SEMA3A: variants seen among roughly 807,000 people sequenced by gnomAD.
SEMA3A encodes the protein semaphorin 3A.
A neutral mutation model predicts 97.9 loss-of-function variants in SEMA3A; 29 were observed. That is an observed-to-expected ratio of 0.30 (90% CI 0.22 to 0.40). SEMA3A has a LOEUF of 0.40. SEMA3A is among the 10% of genes least tolerant of loss of function. The pLI is 1.00. For synonymous variants in SEMA3A, 321 were observed against 323.7 expected (o/e 0.99, Z 0.09); for missense variants, 763 against 951.3 (o/e 0.80, Z 2.60).
At chr7:84,342,748 T>C (rs185629743) in intron 2 of SEMA3A, among the ~76,000 whole-genome samples, 4 of 152,288 alleles carry the variant, frequency 2.6e-5, no homozygotes, top group Admixed American at 2.6e-4. Context: ...CATTGAGTTA[T>C]GAGAATGCAA....
chr7:84,106,654 A>G (rs1242903483), intron 4 of SEMA3A, among the ~76,000 whole-genome samples: 1 of 152,208 alleles, frequency 6.6e-6, no homozygotes. Flanking sequence ...ATTTCTTCCT[A>G]TAAGATCCAA....
intron 3 of SEMA3A, among the ~76,000 whole-genome samples, chr7:84,260,026 T>A (rs1799811747): frequency 6.6e-6 from 1 of 152,146 alleles, no homozygotes; most frequent in South Asian, 2.1e-4. Flanking sequence ...AGACATTTTC[T>A]CATATACTTT....
intron 1 of SEMA3A, among the ~76,000 whole-genome samples, chr7:84,162,843 T>A (rs1163106017): frequency 2.0e-5 from 3 of 152,140 alleles, no homozygotes; most frequent in Non-Finnish European, 2.9e-5. Context: ...AGAGGCACAA[T>A]TAAGCAACAG....
chr7:84,457,591 A>G (rs1388644627), intron 1 of SEMA3A, among the ~76,000 whole-genome samples: 2 of 152,002 alleles, frequency 1.3e-5, no homozygotes, highest in Admixed American at 6.5e-5. Flanking sequence ...TATTTTGTTC[A>G]GATGAGGCAT....
chr7:84,279,153 A>G (rs112293555), intron 3 of SEMA3A, among the ~76,000 whole-genome samples: 2 of 152,154 alleles, frequency 1.3e-5, no homozygotes, highest in African/African-American at 4.8e-5. Context: ...TTAGTTTCAA[A>G]GTATCTCTCT....
At position 84,060,600 on chromosome 7, in the gene SEMA3A, T is replaced by C. The variant is rs760897798; in HGVS notation, c.454-42A>G. On this transcript the variant is annotated intron_variant, in intron 4 of 16. Transcript: ENST00000265362. Reference sequence around the variant, plus strand: ...GAAAGAGAAAAGGGTTTCCTTTATATATAAAAATGAGTGTTTTCAACACAT... The same window carrying C: ...GAAAGAGAAAAGGGTTTCCTTTATACATAAAAATGAGTGTTTTCAACACAT... 23 of 1,317,500 alleles carry C rather than the reference T, an allele frequency of 1.7e-5. No individual in the cohort carries two copies. In the South Asian group the frequency reaches 2.8e-4, roughly 16 times the overall value. 81.6% of individuals were successfully genotyped at this position (1,317,500 alleles called of 1,614,324 possible).
At chr7:84,324,833 TA>T (rs1801733466) in intron 2 of SEMA3A, among the ~76,000 whole-genome samples, 1 of 152,194 alleles carries the variant, frequency 6.6e-6, no homozygotes, top group East Asian at 1.9e-4. Flanking sequence ...TCATTAATCA[TA>T]AAAATAACTT....
At chr7:84,052,771 C>T (rs1038900443) in intron 5 of SEMA3A, among the ~76,000 whole-genome samples, 6 of 149,482 alleles carry the variant, frequency 4.0e-5, no homozygotes, top group African/African-American at 1.5e-4. Context: ...AATGTGTTTG[C>T]TCTTGCTTTT....
intron 4 of SEMA3A, among the ~76,000 whole-genome samples, chr7:84,098,089 T>C (rs1357613485): frequency 2.0e-5 from 3 of 152,022 alleles, no homozygotes. Flanking sequence ...TTAATAATAA[T>C]TTATGCTATA....
chr7:84,475,637 CT>C (rs1485274850), intron 1 of SEMA3A, among the ~76,000 whole-genome samples: 3 of 152,204 alleles, frequency 2.0e-5, no homozygotes, highest in East Asian at 3.9e-4. Flanking sequence ...GGAGGTGCCC[CT>C]ATTTGCTTCA....
At chr7:84,397,332 A>T (rs1803762184) in intron 1 of SEMA3A, among the ~76,000 whole-genome samples, 1 of 150,812 alleles carries the variant, frequency 6.6e-6, no homozygotes, top group Admixed American at 6.6e-5. Flanking sequence ...TTTGGTGGAT[A>T]ATTGTGAACA....
rs60164110 is a variant in SEMA3A at position 84,331,789 on chromosome 7, C to T, written c.-168-24497G>A. On this transcript the variant is annotated intron_variant, in intron 2 of 3. Coordinates refer to the SEMA3A transcript ENST00000424555. Reference sequence around the variant, plus strand: ...AATAAGAGAGAATGAAGTCTGTGTGCGTGCATGCGTGCGTGCATGCTCCTT... The same window carrying T: ...AATAAGAGAGAATGAAGTCTGTGTGTGTGCATGCGTGCGTGCATGCTCCTT... 0.014 allele frequency among the ~76,000 whole-genome samples: 2,079 copies of T among 151,996 alleles called. 79 individuals are homozygous for T. In the East Asian group the frequency reaches 0.14, roughly 10 times the overall value.
chr7:84,407,126 T>G lies in SEMA3A; in HGVS notation c.-245-35226A>C, dbSNP rs566471339. ...AATTCAAATTGTCCCTGTTTGCAGA[T>G]GACATGATTGTATATCTGGAAAACC... is the stretch of plus-strand genomic sequence containing the variant. On this transcript the variant is annotated intron_variant, in intron 1 of 3. Transcript: ENST00000424555. 7.0e-4 allele frequency among the ~76,000 whole-genome samples: 106 copies of G among 152,290 alleles called. 1 individual carries two copies. The highest frequency in any genetic ancestry group is 2.4e-3 in the African/African-American group (98 of 41,564).
chr7:84,145,295 G>A (rs1796429834), intron 1 of SEMA3A, among the ~76,000 whole-genome samples: 2 of 152,050 alleles, frequency 1.3e-5, no homozygotes, highest in African/African-American at 2.4e-5. Context: ...TCCACTTCTA[G>A]AGTTAAAATA....
intron 1 of SEMA3A, among the ~76,000 whole-genome samples, chr7:84,439,738 T>A (rs4732552): frequency 6.6e-6 from 1 of 152,098 alleles, no homozygotes; most frequent in Admixed American, 6.6e-5. Flanking sequence ...ATGGGTGAAA[T>A]GATAGTACAT....
At chr7:84,039,003 A>C (rs1488958459) in intron 6 of SEMA3A, among the ~76,000 whole-genome samples, 1 of 152,166 alleles carries the variant, frequency 6.6e-6, no homozygotes, top group Non-Finnish European at 1.5e-5. Context: ...CAATTAAAAC[A>C]TAATCAAATA....
chr7:84,292,284 G>T (rs1800767116), intron 3 of SEMA3A, among the ~76,000 whole-genome samples: 1 of 152,010 alleles, frequency 6.6e-6, no homozygotes, highest in Non-Finnish European at 1.5e-5. Flanking sequence ...GTGCTTATTT[G>T]TAAGGAAAAT....
chr7:83,991,841 AG>A (rs1368985385), intron 12 of SEMA3A, among the ~76,000 whole-genome samples: 1 of 142,350 alleles, frequency 7.0e-6, no homozygotes, highest in Non-Finnish European at 1.5e-5. Flanking sequence ...TCATAAAATG[AG>A]TTAGGGAGGA....
At chr7:84,426,601 ACTC>A (rs755932333) in intron 1 of SEMA3A, among the ~76,000 whole-genome samples, 1 of 152,082 alleles carries the variant, frequency 6.6e-6, no homozygotes, top group Non-Finnish European at 1.5e-5. Flanking sequence ...ACATTTCTCT[ACTC>A]CTACCATTAA....
Sources: allele counts gnomAD v4.1 joint callset (sites outside exome capture counted in the v4.1 genomes callset), GRCh38; gene constraint gnomAD v4.1.1; transcripts MANE v1.5; gene names NCBI Gene and HGNC (gene_info 2026-07-23, HGNC 2026-07-21).